MFSD8: variants seen among roughly 807,000 people sequenced by gnomAD.
MFSD8 encodes the protein major facilitator superfamily domain-containing protein 8.
A neutral mutation model predicts 66.4 loss-of-function variants in MFSD8; 55 were observed. That is an observed-to-expected ratio of 0.83 (90% CI 0.67 to 1.04). MFSD8 has a LOEUF of 1.04. MFSD8 is among the 50% of genes least tolerant of loss of function. The pLI is 0.00. For missense variants in MFSD8, 550 were observed against 627.6 expected, an observed-to-expected ratio of 0.88 and a Z score of 1.32; for synonymous variants, 202 against 212.8, an observed-to-expected ratio of 0.95 and a Z score of 0.44.
chr4:127,925,721 C>T (rs989364241), intron 9 of MFSD8, among the ~76,000 whole-genome samples: 8 of 152,176 alleles, frequency 5.3e-5, no homozygotes, highest in African/African-American at 1.4e-4. Context: ...CCATTTGACC[C>T]AGCAATCCCA....
chr4:127,940,713 C>G (rs1292447175), intron 5 of MFSD8, among the ~76,000 whole-genome samples: 2 of 145,108 alleles, frequency 1.4e-5, no homozygotes, highest in East Asian at 3.9e-4. Context: ...ATAAAGCACT[C>G]TAAAGAAATA....
chr4:127,943,484 A>T, intron 4 of MFSD8: 1 of 391,170 alleles, frequency 2.6e-6, no homozygotes, highest in Non-Finnish European at 4.7e-6. Flanking sequence ...TCTCCTGAGT[A>T]GCTGGTATTA....
In MFSD8 at chr4:127,927,527, A is replaced by AT. The variant is rs534652934; in HGVS notation, c.998+3155dup. 5.9e-5 allele frequency among the ~76,000 whole-genome samples: 9 copies of AT among 152,322 alleles called. No homozygotes were observed. The South Asian group carries it at 1.9e-3, about 32-fold the overall frequency. On this transcript the variant is annotated intron_variant, in intron 9 of 11. Coordinates refer to ENST00000641686, the MANE Select transcript of MFSD8 (RefSeq NM_001371596.2). ...AACTTATGATGATCAGTTTATCAGGATGTAGCCCCATTGCAAGTTAAAGAG... is the reference window on the plus strand; with the variant it reads ...AACTTATGATGATCAGTTTATCAGGATTGTAGCCCCATTGCAAGTTAAAGAG...
At chr4:127,965,314 G>A (rs1237339160), upstream of MFSD8, 1 of 712,444 alleles carries the variant, frequency 1.4e-6, no homozygotes, top group East Asian at 2.7e-5. Context: ...GCAGCGCAGG[G>A]CGAAAGGAGG....
In MFSD8 at chr4:127,938,855, C is replaced by T. The variant is rs1229689570; in HGVS notation, c.699-17G>A. The T allele has an allele frequency of 1.3e-6, 2 of 1,592,526 alleles. No individual in the cohort carries two copies. Among genetic ancestry groups the T allele is most frequent in the Non-Finnish European group, 1.7e-6 (2 of 1,162,860 alleles). Reference sequence around the variant, plus strand: ...CGATGTTCTCTTAAAAAGAAAAACACAAATATTGTACCTATAAAATGCTTA... The same window carrying T: ...CGATGTTCTCTTAAAAAGAAAAACATAAATATTGTACCTATAAAATGCTTA... On this transcript the variant is annotated splice_polypyrimidine_tract_variant and intron_variant, in intron 6 of 11. Coordinates refer to ENST00000641686, the MANE Select transcript of MFSD8 (RefSeq NM_001371596.2).
chr4:127,955,412 G>T (rs1474031098), intron 2 of MFSD8, among the ~76,000 whole-genome samples: 1 of 151,836 alleles, frequency 6.6e-6, no homozygotes, highest in Non-Finnish European at 1.5e-5. Context: ...ATGGTGGTGG[G>T]TGACTGTAAT....
intron 1 of MFSD8, among the ~76,000 whole-genome samples, chr4:127,961,416 T>A (rs1743716663): frequency 6.6e-6 from 1 of 151,948 alleles, no homozygotes; most frequent in Admixed American, 6.6e-5. Flanking sequence ...TGAAAAAAAA[T>A]TCTCTTTTGT....
chr4:127,921,447 TAG>T, intron 11 of MFSD8, 75 bp downstream of exon 11: 1 of 1,608,662 alleles, frequency 6.2e-7, no homozygotes. Flanking sequence ...TGTGTAAAAA[TAG>T]AGAATGGCAG....
intron 7 of MFSD8, 86 bp from the exon 8 acceptor site, chr4:127,933,179 C>A (rs1738453563): frequency 9.2e-7 from 1 of 1,090,812 alleles, no homozygotes; most frequent in Non-Finnish European, 1.4e-6. Flanking sequence ...TACATTGTAG[C>A]AAAATTTATA....
At chr4:127,922,069 A>T in intron 9 of MFSD8, 106 bp from the exon 10 acceptor site, 5 of 1,039,242 alleles carry the variant, frequency 4.8e-6, no homozygotes, top group Non-Finnish European at 7.3e-6. Context: ...ACTTTTAGTG[A>T]TATATCCATT....
chr4:127,957,176 T>A (rs1743026658), intron 2 of MFSD8, among the ~76,000 whole-genome samples: 1 of 152,176 alleles, frequency 6.6e-6, no homozygotes, highest in Non-Finnish European at 1.5e-5. Flanking sequence ...AAATACTATA[T>A]AATTCCATTT....
At chr4:127,934,288 T>C (rs1427698144) in intron 7 of MFSD8, among the ~76,000 whole-genome samples, 1 of 152,134 alleles carries the variant, frequency 6.6e-6, no homozygotes, top group Non-Finnish European at 1.5e-5. Context: ...AAGATCCTTA[T>C]GTTATCATTA....
intron 9 of MFSD8, among the ~76,000 whole-genome samples, chr4:127,929,122 C>A (rs1737684680): frequency 6.6e-6 from 1 of 151,076 alleles, no homozygotes; most frequent in Non-Finnish European, 1.5e-5. Flanking sequence ...GAGATCGAGA[C>A]CATCCTGGCT....
At chr4:127,923,552 T>TTTATTATTATTATTATTATTATTA (rs200387529) in intron 9 of MFSD8, among the ~76,000 whole-genome samples, 1 of 130,578 alleles carries the variant, frequency 7.7e-6, no homozygotes, top group African/African-American at 2.9e-5. Context: ...TTTATTTTTA[T>TTTATTATTATTATTATTATTATTA]TTATTATTAT....
intron 4 of MFSD8, among the ~76,000 whole-genome samples, chr4:127,942,753 A>G (rs146564730): frequency 1.9e-4 from 29 of 152,186 alleles, no homozygotes; most frequent in African/African-American, 6.8e-4. Flanking sequence ...AACTGTTTTT[A>G]AAAGAAAAGT....
Position 127,920,571 on chromosome 4 carries a change from A to G in MFSD8, c.*59T>C. 1 of 1,555,570 alleles carries G rather than the reference A, an allele frequency of 6.4e-7. No individual in the cohort carries two copies. On this transcript the variant is annotated 3_prime_UTR_variant, in exon 12 of 12. Transcript: ENST00000641686. ...GACTGGCTCACCGCAATTGTCTAGC[A>G]GAGCTTTAGACCAGGAAGTGCCACA... is the stretch of plus-strand genomic sequence containing the variant.
chr4:127,963,787 GCCA>G (rs1388364684), intron 1 of MFSD8, among the ~76,000 whole-genome samples: 4 of 152,220 alleles, frequency 2.6e-5, no homozygotes, highest in Non-Finnish European at 5.9e-5. Flanking sequence ...TCAGCGGGTT[GCCA>G]CTACTGGTGG....
intron 2 of MFSD8, among the ~76,000 whole-genome samples, chr4:127,950,929 C>T (rs1360883309): frequency 6.6e-6 from 1 of 151,340 alleles, no homozygotes; most frequent in Middle Eastern, 3.4e-3. Context: ...GGCATGGTAG[C>T]GCATGCCTGT....
At chr4:127,954,252 A>G (rs1742497960) in intron 2 of MFSD8, among the ~76,000 whole-genome samples, 1 of 152,218 alleles carries the variant, frequency 6.6e-6, no homozygotes. Context: ...AAGCAATACA[A>G]ATTGAGATTC....
Sources: allele counts gnomAD v4.1 joint callset (sites outside exome capture counted in the v4.1 genomes callset), GRCh38; gene constraint gnomAD v4.1.1; transcripts MANE v1.5; gene names NCBI Gene and HGNC (gene_info 2026-07-23, HGNC 2026-07-21).